The following ZNF407 variants were observed in gnomAD, a reference collection of about 807,000 sequenced individuals.
ZNF407 encodes zinc finger protein 407.
A neutral mutation model predicts 131.2 loss-of-function variants in ZNF407; 17 were observed. That is an observed-to-expected ratio of 0.13 (90% CI 0.09 to 0.19). ZNF407 has a LOEUF of 0.19. Among genes scored for constraint, ZNF407 ranks in the 10% least tolerant of loss-of-function variants. The pLI is 1.00. For synonymous variants in ZNF407, 1,156 were observed against 1,062.0 expected, an observed-to-expected ratio of 1.09 and a Z score of -1.72; for missense variants, 2,681 against 2,830.6, an observed-to-expected ratio of 0.95 and a Z score of 1.20.
chr18:74,655,486 A>G (rs1232272449), intron 3 of ZNF407, among the ~76,000 whole-genome samples: 2 of 152,116 alleles, frequency 1.3e-5, no homozygotes, highest in African/African-American at 4.8e-5. Context: ...TATAGAAATC[A>G]CTTGCACGCA....
chr18:74,745,995 G>C (rs1486678119), intron 3 of ZNF407, among the ~76,000 whole-genome samples: 1 of 152,148 alleles, frequency 6.6e-6, no homozygotes, highest in Non-Finnish European at 1.5e-5. Context: ...TGAGAAATGA[G>C]TTAGGCGATT....
intron 3 of ZNF407, among the ~76,000 whole-genome samples, chr18:74,673,059 T>C (rs1401605712): frequency 6.6e-6 from 1 of 152,204 alleles, no homozygotes; most frequent in Non-Finnish European, 1.5e-5. Flanking sequence ...CAATGGCTGC[T>C]ATCTCTTAAA....
chr18:74,772,818 G>A (rs939733212), intron 3 of ZNF407, among the ~76,000 whole-genome samples: 2 of 152,074 alleles, frequency 1.3e-5, no homozygotes, highest in Non-Finnish European at 2.9e-5. Context: ...ATGGGAGAGT[G>A]CCTTGTAGCT....
Position 74,634,855 on chromosome 18 carries a change from G to A in ZNF407, c.3836G>A (p.Ser1279Asn). 1 of 1,613,742 alleles carries A rather than the reference G, an allele frequency of 6.2e-7. No individual in the cohort carries two copies. The highest frequency in any genetic ancestry group is 8.5e-7 in the Non-Finnish European group (1 of 1,179,756). Residue 1279 changes from serine to asparagine, a missense_variant, in exon 2 of 9, where the codon AGC becomes AAC. Ser to Asn is a conservative substitution (Grantham distance 46). Around this residue, in one of 6 missense-constraint regions of ZNF407, gnomAD observed 1,789 missense variants for 1,748.7 expected, o/e 1.02. Transcript: ENST00000299687. ...ACCAGAGAACAGGGAAATCTGGAGA[G>A]CGGGGGTCAGAACAGAGTTGCACGT... ...RITREQGNLE[S>N]GGQNRVARGH...
intron 4 of ZNF407, among the ~76,000 whole-genome samples, chr18:74,789,359 C>T (rs1479150558): frequency 1.3e-5 from 2 of 152,146 alleles, no homozygotes; most frequent in African/African-American, 4.8e-5. Flanking sequence ...TGGCCTTGCA[C>T]ACACGGTTGG....
At chr18:74,826,482 A>G (rs1218889634) in intron 4 of ZNF407, among the ~76,000 whole-genome samples, 1 of 152,226 alleles carries the variant, frequency 6.6e-6, no homozygotes, top group African/African-American at 2.4e-5. Flanking sequence ...AAACAGAGCA[A>G]GTTTTACAAA....
At chr18:74,766,359 C>G (rs1969232788) in intron 3 of ZNF407, among the ~76,000 whole-genome samples, 2 of 152,154 alleles carry the variant, frequency 1.3e-5, no homozygotes. Context: ...TAAACTTACC[C>G]ATGAGGTTCA....
At chr18:75,032,776 G>A (rs2122225247) in intron 8 of ZNF407, among the ~76,000 whole-genome samples, 1 of 143,474 alleles carries the variant, frequency 7.0e-6, no homozygotes, top group East Asian at 2.1e-4. Flanking sequence ...CAGAATAGGG[G>A]GAAGACAGTA....
chr18:74,744,770 C>G (rs1432767732), intron 3 of ZNF407, among the ~76,000 whole-genome samples: 1 of 35,668 alleles, frequency 2.8e-5, no homozygotes, highest in Admixed American at 3.2e-4. Flanking sequence ...ACAAACCACA[C>G]TAGGCAATGT....
At chr18:74,845,172 A>G (rs1006657884) in intron 4 of ZNF407, among the ~76,000 whole-genome samples, 1 of 152,232 alleles carries the variant, frequency 6.6e-6, no homozygotes, top group African/African-American at 2.4e-5. Context: ...AAATTTCTTC[A>G]TCGTAAATTA....
At chr18:74,948,108 G>T (rs923733560) in intron 8 of ZNF407, among the ~76,000 whole-genome samples, 6 of 152,196 alleles carry the variant, frequency 3.9e-5, no homozygotes, top group Non-Finnish European at 8.8e-5. Context: ...AGGTATCTTT[G>T]TCTCTTATAG....
chr18:74,850,080 G>C (rs1481944317), intron 4 of ZNF407, among the ~76,000 whole-genome samples: 1 of 152,104 alleles, frequency 6.6e-6, no homozygotes, highest in Non-Finnish European at 1.5e-5. Context: ...TTGTTTCTTT[G>C]ATTGTGTCTC....
At position 74,634,596 on chromosome 18, in the gene ZNF407, G is replaced by T. The variant is rs1213344763; in HGVS notation, c.3577G>T (p.Gly1193Cys). ...MMSLTMSSNY[G>C]SPSRFQNENS... is the part of the protein sequence containing the mutation. ...GTCACTTACTATGTCCTCAAACTAT[G>T]GCTCCCCAAGCAGATTTCAAAATGA... Residue 1193 changes from glycine to cysteine, a missense_variant, in exon 2 of 9, where the codon GGC (glycine) becomes TGC (cysteine). Physicochemically the swap from Gly to Cys is radical, Grantham distance 159 (BLOSUM62 -3). Transcript: ENST00000299687. 6.2e-7 allele frequency: 1 copy of T among 1,613,900 alleles called. No homozygotes were observed. Among genetic ancestry groups the T allele is most frequent in the African/African-American group, 1.3e-5 (1 of 75,036 alleles).
chr18:74,810,929 A>G (rs1970184556), intron 4 of ZNF407, among the ~76,000 whole-genome samples: 1 of 152,242 alleles, frequency 6.6e-6, no homozygotes, highest in Non-Finnish European at 1.5e-5. Flanking sequence ...GCCATTCAGG[A>G]CATAGGCATG....
chr18:75,024,212 G>A (rs1442466942), intron 8 of ZNF407, among the ~76,000 whole-genome samples: 1 of 152,198 alleles, frequency 6.6e-6, no homozygotes, highest in Non-Finnish European at 1.5e-5. Flanking sequence ...CCTAAAACTG[G>A]TGTGCTGGTT....
intron 3 of ZNF407, among the ~76,000 whole-genome samples, chr18:74,645,881 A>G (rs1984951299): frequency 1.3e-5 from 2 of 152,184 alleles, no homozygotes; most frequent in East Asian, 3.8e-4. Flanking sequence ...TTTGAGTTAC[A>G]CTTAATCATT....
chr18:74,851,734 T>G (rs1209511373), intron 4 of ZNF407, among the ~76,000 whole-genome samples: 1 of 152,140 alleles, frequency 6.6e-6, no homozygotes, highest in African/African-American at 2.4e-5. Flanking sequence ...TCATAAACAT[T>G]CTGAGAAAAA....
chr18:74,890,123 T>G, intron 7 of ZNF407, 85 bp downstream of exon 7: 1 of 1,324,864 alleles, frequency 7.5e-7, no homozygotes, highest in South Asian at 2.2e-5. Context: ...GAAGTGTAGT[T>G]TTTCTAATCA....
chr18:74,617,209 C>T (rs1983356353), intron 1 of ZNF407, among the ~76,000 whole-genome samples: 1 of 85,452 alleles, frequency 1.2e-5, no homozygotes, highest in African/African-American at 4.1e-5. Context: ...ACTTTTTCTC[C>T]TGAACCACTG....
Sources: gnomAD v4.1 joint callset for allele counts (sites outside exome capture counted in the v4.1 genomes callset) on GRCh38, gnomAD v4.1.1 for gene constraint, gnomAD v4.1.1 regional missense constraint, MANE v1.5 for transcripts, NCBI Gene and HGNC (gene_info 2026-07-23, HGNC 2026-07-21) for gene names.